Variants in PCDH7 observed in about 807,000 individuals in gnomAD.
PCDH7 encodes protocadherin 7, also known as protocadherin-7.
Under a neutral mutation model 58.9 loss-of-function variants are expected in PCDH7, and 17 were observed. The observed-to-expected ratio is 0.29, with a 90% CI of 0.20 to 0.43. The LOEUF is 0.43. PCDH7 is among the 20% of genes least tolerant of loss of function. The pLI is 1.00. For missense variants in PCDH7, 1,274 were observed against 1,441.0 expected, an observed-to-expected ratio of 0.88 and a Z score of 1.88; for synonymous variants, 664 against 616.4, an observed-to-expected ratio of 1.08 and a Z score of -1.14.
chr4:31,069,865 T>TG (rs1758402585), intron 3 of PCDH7, among the ~76,000 whole-genome samples: 1 of 151,412 alleles, frequency 6.6e-6, no homozygotes. Flanking sequence ...AATCTCAAAT[T>TG]TTCTCCACTT....
chr4:30,894,984 A>T (rs1739221038), intron 1 of PCDH7, among the ~76,000 whole-genome samples: 1 of 151,860 alleles, frequency 6.6e-6, no homozygotes, highest in South Asian at 2.1e-4. Context: ...TATTATTATT[A>T]TGTTATTTTT....
At chr4:31,069,597 AT>A (rs1203290583) in intron 3 of PCDH7, among the ~76,000 whole-genome samples, 3 of 152,020 alleles carry the variant, frequency 2.0e-5, no homozygotes, top group Non-Finnish European at 2.9e-5. Flanking sequence ...TTTTAGAAAA[AT>A]ATTTAGTTTT....
chr4:31,145,555 G>A (rs1388545051), downstream of PCDH7: 2 of 152,012 alleles, frequency 1.3e-5, no homozygotes, highest in Non-Finnish European at 2.9e-5. Context: ...ACGGTTGTTG[G>A]GTTTGGACAA....
rs531298209 is a variant in PCDH7 at position 30,821,484 on chromosome 4, G to A, written c.70+96888G>A. Among the ~76,000 whole-genome samples, 3 of 152,306 alleles carry A rather than the reference G, an allele frequency of 2.0e-5. No homozygotes were observed. The East Asian group carries it at 5.8e-4, about 29-fold the overall frequency. ...ACAATGTCCAGAAAATAAAAATGAG[G>A]CTAGACTGGTTCTGACATACAGCTA... On this transcript the variant is annotated intron_variant, in intron 1 of 3. Transcript: ENST00000509759.
chr4:31,011,633 G>A (rs1396913523), intron 3 of PCDH7, among the ~76,000 whole-genome samples: 1 of 151,922 alleles, frequency 6.6e-6, no homozygotes, highest in African/African-American at 2.4e-5. Context: ...AGAAAAGGCT[G>A]GGGTATATAT....
Position 30,920,375 on chromosome 4 carries a change from G to A in PCDH7, c.287+6G>A. 1 of 1,365,880 alleles carries A rather than the reference G, an allele frequency of 7.3e-7. No homozygotes were observed. The highest frequency in any genetic ancestry group is 9.8e-7 in the Non-Finnish European group (1 of 1,020,962). The allele number at this position is 1,365,880 out of a possible 1,614,324, so 84.6% of individuals were successfully genotyped here. On this transcript the variant is annotated splice_donor_region_variant and intron_variant, in intron 2 of 3. Transcript: ENST00000509759. ...GGCAGAGCATATGGAAAATGGTAGGGGCAAACACAACATCCACACACATAA... is the reference window on the plus strand; with the variant it reads ...GGCAGAGCATATGGAAAATGGTAGGAGCAAACACAACATCCACACACATAA...
chr4:31,027,541 A>G (rs9291557), intron 3 of PCDH7, among the ~76,000 whole-genome samples: 53,442 of 151,450 alleles, frequency 0.35, 12,071 homozygotes, highest in African/African-American at 0.63. Context: ...TCCTGCCTCA[A>G]CCTCCTGAGT....
chr4:30,774,930 G>A (rs1250094171), intron 1 of PCDH7, among the ~76,000 whole-genome samples: 3 of 152,140 alleles, frequency 2.0e-5, no homozygotes, highest in Admixed American at 2.0e-4. Flanking sequence ...CTTAAAAATT[G>A]ATTTAGATTT....
intron 1 of PCDH7, among the ~76,000 whole-genome samples, chr4:30,835,586 A>T (rs1486626158): frequency 6.6e-6 from 1 of 152,062 alleles, no homozygotes; most frequent in East Asian, 1.9e-4. Flanking sequence ...TGGAGGTCTC[A>T]TCAGAGAGAC....
intron 3 of PCDH7, among the ~76,000 whole-genome samples, chr4:31,034,044 A>T (rs1216152254): frequency 2.6e-5 from 4 of 152,172 alleles, no homozygotes; most frequent in Admixed American, 2.6e-4. Flanking sequence ...CAGTGCGTGG[A>T]AATCACACCA....
At chr4:31,133,811 T>C (rs1719269429) in intron 3 of PCDH7, among the ~76,000 whole-genome samples, 1 of 152,178 alleles carries the variant, frequency 6.6e-6, no homozygotes. Flanking sequence ...CCACTCTATA[T>C]AATAATGCCA....
chr4:30,819,666 T>C (rs1336793868), intron 1 of PCDH7, among the ~76,000 whole-genome samples: 2 of 152,222 alleles, frequency 1.3e-5, no homozygotes, highest in Non-Finnish European at 2.9e-5. Flanking sequence ...TATGAAATTA[T>C]TTGTTTAGTG....
intron 3 of PCDH7, among the ~76,000 whole-genome samples, chr4:31,054,139 T>C (rs193178884): frequency 2.0e-5 from 3 of 152,168 alleles, no homozygotes; most frequent in Admixed American, 6.5e-5. Context: ...CCAATTTTTG[T>C]GTTTTTGTAG....
intron 3 of PCDH7, among the ~76,000 whole-genome samples, chr4:31,008,719 C>A (rs1013291184): frequency 6.6e-5 from 10 of 152,120 alleles, no homozygotes; most frequent in African/African-American, 2.4e-4. Context: ...CCTATACCCA[C>A]AGATTGCCTG....
At chr4:30,829,561 A>G (rs187536064) in intron 1 of PCDH7, among the ~76,000 whole-genome samples, 3 of 152,156 alleles carry the variant, frequency 2.0e-5, no homozygotes, top group East Asian at 3.9e-4. Flanking sequence ...TTTAGAAGCA[A>G]CAGCCTGAAC....
At chr4:30,738,260 C>G (rs902483519) in intron 1 of PCDH7, among the ~76,000 whole-genome samples, 9 of 152,006 alleles carry the variant, frequency 5.9e-5, no homozygotes, top group Non-Finnish European at 1.0e-4. Context: ...TGGACTGGAC[C>G]ATTGTTTCTT....
At chr4:30,747,255 T>C (rs971730209) in intron 1 of PCDH7, among the ~76,000 whole-genome samples, 4 of 152,242 alleles carry the variant, frequency 2.6e-5, no homozygotes, top group Non-Finnish European at 5.9e-5. Flanking sequence ...CTACATGATG[T>C]TGGCTAATGC....
intron 1 of PCDH7, among the ~76,000 whole-genome samples, chr4:30,829,181 GT>G (rs1218835115): frequency 6.6e-6 from 1 of 151,708 alleles, no homozygotes; most frequent in East Asian, 1.9e-4. Context: ...CCTGGGATTT[GT>G]GTGTGCTGAG....
chr4:30,971,027 T>G (rs1485207213), intron 3 of PCDH7, among the ~76,000 whole-genome samples: 1 of 152,226 alleles, frequency 6.6e-6, no homozygotes, highest in Non-Finnish European at 1.5e-5. Context: ...TAATTCAGGT[T>G]AGCCAAATAC....
Sources: allele counts gnomAD v4.1 joint callset (sites outside exome capture counted in the v4.1 genomes callset), GRCh38; gene constraint gnomAD v4.1.1; transcripts MANE v1.5; gene names NCBI Gene and HGNC (gene_info 2026-07-23, HGNC 2026-07-21).